Variants in AGAP6 observed in about 807,000 individuals in gnomAD.
AGAP6 encodes arf-GAP with GTPase, ANK repeat and PH domain-containing protein 6.
AGAP6 carries 29 observed loss-of-function variants against 63.9 expected under a neutral mutation model. The observed-to-expected ratio is 0.45, with a 90% CI of 0.34 to 0.62. The LOEUF is 0.62. Ranked by LOEUF, AGAP6 falls within the 20% of genes least tolerant of loss-of-function variation. The pLI is 0.01. For missense variants in AGAP6, 493 were observed against 884.9 expected, an observed-to-expected ratio of 0.56 and a Z score of 5.62; for synonymous variants, 199 against 332.9, an observed-to-expected ratio of 0.60 and a Z score of 4.38.
At position 50,001,991 on chromosome 10, in the gene AGAP6, T is replaced by G; in HGVS notation, c.397-5T>G. ...AGTTTGACTTACAGTTCCCTTCCCC[T>G]TCAGGTATCTGCTGTGCGTTTCAGT... On this transcript the variant is annotated splice_region_variant and splice_polypyrimidine_tract_variant and intron_variant, in intron 4 of 7. Coordinates refer to ENST00000412531, the MANE Select transcript of AGAP6 (RefSeq NM_001077665.3). The G allele has an allele frequency of 6.2e-7, 1 of 1,612,700 alleles. No homozygotes were observed. Among genetic ancestry groups the G allele is most frequent in the South Asian group, 1.1e-5 (1 of 91,060 alleles).
chr10:50,006,045 G>A (rs1841904067), intron 6 of AGAP6, among the ~76,000 whole-genome samples: 1 of 151,668 alleles, frequency 6.6e-6, no homozygotes, highest in Admixed American at 6.6e-5. Flanking sequence ...AACTTCACAA[G>A]TGGTGGTTTC....
At chr10:49,995,263 T>C (rs1430788243) in intron 4 of AGAP6, among the ~76,000 whole-genome samples, 2 of 152,226 alleles carry the variant, frequency 1.3e-5, no homozygotes, top group Admixed American at 1.3e-4. Flanking sequence ...TCATCCTGTC[T>C]CTGAAACAGT....
chr10:50,008,015 T>C lies in AGAP6; in HGVS notation c.534-10T>C, dbSNP rs2132163526. 2 of 1,611,916 alleles carry C rather than the reference T, an allele frequency of 1.2e-6. No individual in the cohort carries two copies. The highest frequency in any genetic ancestry group is 2.3e-4 in the Middle Eastern group (1 of 4,428). ...CAGTTTTTGAAGTAATGCGCTTTCT[T>C]ATTTTATAGAGATGCAGATAGAACT... is the stretch of plus-strand genomic sequence containing the variant. On this transcript the variant is annotated splice_polypyrimidine_tract_variant and intron_variant, in intron 6 of 7. Coordinates refer to ENST00000412531, the MANE Select transcript of AGAP6 (RefSeq NM_001077665.3).
At chr10:50,002,942 GTCCTGAGCTTTGGGACCTATTGAGTAA>G (rs1589100545) in intron 5 of AGAP6, among the ~76,000 whole-genome samples, 1 of 149,388 alleles carries the variant, frequency 6.7e-6, no homozygotes, top group African/African-American at 2.5e-5. Flanking sequence ...TCTGTCTCAA[GTCCTGAGCTTTGGGACCTATTGAGTAA>G]TCACTAAATG....
rs534218068 is a variant in AGAP6 at position 50,007,983 on chromosome 10, A to G, written c.534-42A>G. 66 of 1,611,730 alleles carry G rather than the reference A, an allele frequency of 4.1e-5. No individual in the cohort carries two copies. In the African/African-American group the frequency reaches 8.5e-4, roughly 21 times the overall value. On this transcript the variant is annotated intron_variant, in intron 6 of 7. Coordinates refer to ENST00000412531, the MANE Select transcript of AGAP6 (RefSeq NM_001077665.3). ...TTTACTAAACAAATATTATACTAAG[A>G]TATTAACAGTTTTTGAAGTAATGCG...
chr10:49,992,240 G>A (rs1204138627), intron 3 of AGAP6, among the ~76,000 whole-genome samples: 1 of 151,842 alleles, frequency 6.6e-6, no homozygotes. Flanking sequence ...CCACATCCAA[G>A]TTCATGCTAC....
intron 2 of AGAP6, among the ~76,000 whole-genome samples, chr10:49,990,730 A>T (rs527440671): frequency 1.8e-4 from 28 of 152,368 alleles, no homozygotes; most frequent in Middle Eastern, 3.4e-3. Context: ...GAAATGTCTT[A>T]TAGCTCTTCT....
intron 4 of AGAP6, among the ~76,000 whole-genome samples, chr10:49,994,963 A>T (rs1841430593): frequency 1.0e-5 from 1 of 95,926 alleles, no homozygotes; most frequent in Non-Finnish European, 2.7e-5. Context: ...CTCTGTCTCA[A>T]AAAAAAAAAA....
rs782005152 is a variant in AGAP6, at chr10:50,009,668, C to T, written c.1543C>T (p.Arg515Cys). 2.5e-5 allele frequency: 41 copies of T among 1,614,104 alleles called. No individual in the cohort carries two copies. The highest frequency in any genetic ancestry group is 3.0e-5 in the Non-Finnish European group (35 of 1,180,052). The change falls in exon 8 of 8, where the codon CGT becomes TGT. Residue 515 changes from arginine to cysteine, a missense_variant. Physicochemically the swap from Arg to Cys is radical, Grantham distance 180 (BLOSUM62 -3). Coordinates refer to ENST00000412531, the MANE Select transcript of AGAP6 (RefSeq NM_001077665.3). ...IHRSLGPHLS[R>C]VRSLELDDWP... ...CCGCAGTCTTGGCCCCCACCTTTCC[C>T]GTGTGCGATCTCTGGAGCTGGATGA...
rs782596949 is a variant in AGAP6, at chr10:50,008,059, C to T, written c.568C>T (p.Gln190Ter). ...ADRTLSIPDE[Q>*]LHSFAVSTVH... The stretch of plus-strand genomic sequence containing the variant: ...TAGAACTTTGAGCATACCTGATGAA[C>T]AGTTACACTCATTTGCGGTAAGTGG... The change falls in exon 7 of 8, where the codon CAG becomes TAG. Residue 190 changes from glutamine to a stop codon, truncating the protein, a stop_gained. Coordinates refer to ENST00000412531, the MANE Select transcript of AGAP6 (RefSeq NM_001077665.3). LOFTEE classifies it high-confidence loss of function. 6.2e-7 allele frequency: 1 copy of T among 1,611,928 alleles called. No individual in the cohort carries two copies. The highest frequency in any genetic ancestry group is 1.7e-5 in the Admixed American group (1 of 60,012).
chr10:49,992,864 C>A (rs1841335952), intron 3 of AGAP6, among the ~76,000 whole-genome samples: 1 of 152,128 alleles, frequency 6.6e-6, no homozygotes, highest in South Asian at 2.1e-4. Context: ...CAGGTTCAAG[C>A]AATTCTCCTG....
At chr10:50,004,748 A>T (rs1554863589) in intron 6 of AGAP6, 28 bp downstream of exon 6, 1 of 797,152 alleles carries the variant, frequency 1.3e-6, no homozygotes, top group Admixed American at 2.4e-5. Flanking sequence ...CTGTCTTGTT[A>T]TTCTAGCTAA....
chr10:50,003,765 G>A (rs557545769), intron 5 of AGAP6, among the ~76,000 whole-genome samples: 7 of 152,294 alleles, frequency 4.6e-5, no homozygotes, highest in African/African-American at 1.7e-4. Flanking sequence ...GTGGGACCTT[G>A]GGCAAGTCAG....
Position 49,998,807 on chromosome 10 carries a change from T to C in AGAP6, c.397-3189T>C, listed in dbSNP as rs113535490. Among the ~76,000 whole-genome samples the C allele has an allele frequency of 2.2e-3, 305 of 140,556 alleles. 49 individuals carry two copies. The highest frequency in any genetic ancestry group is 7.1e-3 in the Middle Eastern group (2 of 282). The allele number at this position is 140,556 out of a possible 152,430, so 92.2% of individuals were successfully genotyped here. A position where few individuals can be genotyped will look rare whatever the true frequency, so the allele number is the denominator to read the frequency against. On this transcript the variant is annotated intron_variant, in intron 4 of 7. Coordinates refer to ENST00000412531, the MANE Select transcript of AGAP6 (RefSeq NM_001077665.3). ...TGAATTTGTAGATTGCTTTTGGCAGTATGGTCATTTTCACAATATTCATTC... is the reference window on the plus strand; with the variant it reads ...TGAATTTGTAGATTGCTTTTGGCAGCATGGTCATTTTCACAATATTCATTC...
Position 49,995,103 on chromosome 10 carries a change from C to T in AGAP6, c.396+674C>T, listed in dbSNP as rs569444148. On this transcript the variant is annotated intron_variant, in intron 4 of 7. Transcript: ENST00000412531. ...AGGTAAAAGCATACCTTCCCCGCTA[C>T]ACCATGATCTTATGTTTCTCCCTGT... 4.4e-4 allele frequency among the ~76,000 whole-genome samples: 67 copies of T among 152,236 alleles called. 1 individual carries two copies. The highest frequency in any genetic ancestry group is 1.4e-3 in the African/African-American group (58 of 41,542).
Position 50,001,999 on chromosome 10 carries a change from T to C in AGAP6, c.400T>C (p.Ser134Pro). 6.2e-7 allele frequency: 1 copy of C among 1,613,026 alleles called. No homozygotes were observed. The highest frequency in any genetic ancestry group is 8.5e-7 in the Non-Finnish European group (1 of 1,180,002). Reference protein sequence around the residue: ...IRRSNCTNHVSAVRFSQQYSL... With the variant: ...IRRSNCTNHVPAVRFSQQYSL... The stretch of plus-strand genomic sequence containing the variant: ...TTACAGTTCCCTTCCCCTTCAGGTA[T>C]CTGCTGTGCGTTTCAGTCAACAATA... Residue 134 changes from serine to proline, a missense_variant, in exon 5 of 8, where the codon TCT becomes CCT. Physicochemically the swap from Ser to Pro is moderately conservative, Grantham distance 74. Coordinates refer to ENST00000412531, the MANE Select transcript of AGAP6 (RefSeq NM_001077665.3).
chr10:49,996,746 T>C (rs1205446605), intron 4 of AGAP6, among the ~76,000 whole-genome samples: 1 of 151,388 alleles, frequency 6.6e-6, no homozygotes, highest in Admixed American at 6.6e-5. Flanking sequence ...CTGGCTTTTT[T>C]TTTTTTTTTT....
chr10:50,006,895 G>A (rs1258048313), intron 6 of AGAP6, among the ~76,000 whole-genome samples: 2 of 152,062 alleles, frequency 1.3e-5, no homozygotes, highest in Non-Finnish European at 2.9e-5. Context: ...TTTTTTACCT[G>A]TAGGGGACAG....
intron 3 of AGAP6, 28 bp downstream of exon 3, chr10:49,991,772 G>A: frequency 1.9e-6 from 3 of 1,597,704 alleles, no homozygotes; most frequent in Non-Finnish European, 2.5e-6. Flanking sequence ...TTTCCACCAA[G>A]AGAAAGAATA....
Sources: gnomAD v4.1 joint callset for allele counts (sites outside exome capture counted in the v4.1 genomes callset) on GRCh38, gnomAD v4.1.1 for gene constraint, MANE v1.5 for transcripts, NCBI Gene and HGNC (gene_info 2026-07-23, HGNC 2026-07-21) for gene names.